Variants in TNRC6A observed in about 807,000 individuals in gnomAD.
TNRC6A encodes trinucleotide repeat containing adaptor 6A, also known as trinucleotide repeat-containing gene 6A protein.
A neutral mutation model predicts 221.2 loss-of-function variants in TNRC6A; 44 were observed. The observed-to-expected ratio is 0.20, with a 90% CI of 0.16 to 0.26. TNRC6A has a LOEUF of 0.26. Ranked by LOEUF, TNRC6A falls within the 10% of genes least tolerant of loss-of-function variation. The pLI, the probability that TNRC6A is intolerant of heterozygous loss-of-function variation, is 1.00. For missense variants in TNRC6A, 2,199 were observed against 2,404.4 expected (o/e 0.91, Z 1.79); for synonymous variants, 847 against 838.5 (o/e 1.01, Z -0.18).
chr16:24,807,597 G>A (rs1212777452), intron 17 of TNRC6A, among the ~76,000 whole-genome samples: 1 of 152,070 alleles, frequency 6.6e-6, no homozygotes, highest in African/African-American at 2.4e-5. Context: ...AAAAATGGAG[G>A]TAAGAAAGGA....
Position 24,729,682 on chromosome 16 carries a change from TGTCGGCGGC to T in TNRC6A, c.-158_-150del, listed in dbSNP as rs1230650965. ...GGTCTGGGGCCTGCGGCGGCGGCGGTGTCGGCGGCGGCGGCGGCGGCGGCGGCGGCGGCG... is the reference window on the plus strand; with the variant it reads ...GGTCTGGGGCCTGCGGCGGCGGCGGTGGCGGCGGCGGCGGCGGCGGCGGCG... On this transcript the variant is annotated 5_prime_UTR_variant, in exon 1 of 25. Transcript: ENST00000395799. 5.9e-6 allele frequency: 4 copies of T among 677,758 alleles called. No homozygotes were observed. Among genetic ancestry groups the T allele is most frequent in the Non-Finnish European group, 8.0e-6 (4 of 501,676 alleles). 42.0% of individuals were successfully genotyped at this position (677,758 alleles called of 1,614,324 possible). A position where few individuals can be genotyped will look rare whatever the true frequency, so the allele number is the denominator to read the frequency against.
At chr16:24,791,944 A>C (rs941519565) in intron 6 of TNRC6A, 127 bp downstream of exon 6, 137 of 1,058,322 alleles carry the variant, frequency 1.3e-4, no homozygotes, top group Non-Finnish European at 1.7e-4. Context: ...GCTTGAAAAA[A>C]ATTATAGGGG....
At chr16:24,664,872 G>T (rs747865233) in intron 2 of TNRC6A, 26 of 454,714 alleles carry the variant, frequency 5.7e-5, no homozygotes, top group Middle Eastern at 6.5e-4. Context: ...TTGCATCAGA[G>T]AAAACGTGTT....
chr16:24,800,672 G>T (rs2058313958), intron 11 of TNRC6A, among the ~76,000 whole-genome samples: 1 of 152,216 alleles, frequency 6.6e-6, no homozygotes, highest in Admixed American at 6.5e-5. Context: ...TGGAACCTGT[G>T]GGAAATCTGC....
In TNRC6A at chr16:24,652,549, C is replaced by A. The variant is rs1210572854; in HGVS notation, n.402+11540C>A. Among the ~76,000 whole-genome samples the A allele has an allele frequency of 5.3e-5, 8 of 152,214 alleles. No individual in the cohort carries two copies. The East Asian group carries it at 1.3e-3, about 26-fold the overall frequency. ...CACCGATTGGCATCCAACCCACTGACTGCAACATTTTCCAGCATACCAATT... is the reference window on the plus strand; with the variant it reads ...CACCGATTGGCATCCAACCCACTGAATGCAACATTTTCCAGCATACCAATT... On this transcript the variant is annotated intron_variant and non_coding_transcript_variant, in intron 2 of 2. Coordinates refer to the TNRC6A transcript ENST00000566108.
intron 2 of TNRC6A, among the ~76,000 whole-genome samples, chr16:24,693,169 G>C (rs9922436): frequency 0.82 from 124,183 of 152,040 alleles, 51,083 homozygotes; most frequent in African/African-American, 0.91. Context: ...GTTCTCTCAC[G>C]AGAAGAGGGT....
chr16:24,789,138 T>C lies in TNRC6A; in HGVS notation c.590-94T>C, dbSNP rs890276425. 1.8e-5 allele frequency: 22 copies of C among 1,256,546 alleles called. No individual in the cohort carries two copies. The East Asian group carries it at 4.8e-4, about 27-fold the overall frequency. 77.8% of individuals were successfully genotyped at this position (1,256,546 alleles called of 1,614,324 possible). A position where few individuals can be genotyped will look rare whatever the true frequency, so the allele number is the denominator to read the frequency against. On this transcript the variant is annotated intron_variant, in intron 5 of 24. Coordinates refer to ENST00000395799, the MANE Select transcript of TNRC6A (RefSeq NM_014494.4). Reference sequence around the variant, plus strand: ...GCTTGTTAAATTGAGGAGCCACATATATTTATAACATATTCGTCATTTTTC... The same window carrying C: ...GCTTGTTAAATTGAGGAGCCACATACATTTATAACATATTCGTCATTTTTC...
At chr16:24,622,662 GT>G (rs1280702657) in intron 1 of TNRC6A, among the ~76,000 whole-genome samples, 1 of 152,170 alleles carries the variant, frequency 6.6e-6, no homozygotes, top group East Asian at 1.9e-4. Flanking sequence ...AAGCCATGCT[GT>G]TTTCAACATG....
rs71156440 is a variant in TNRC6A at position 24,812,019 on chromosome 16, A to ATTTTTTTTT, written c.4672+2577_4672+2585dup. Among the ~76,000 whole-genome samples, 37 of 40,850 alleles carry ATTTTTTTTT rather than the reference A, an allele frequency of 9.1e-4. 8 individuals are homozygous for ATTTTTTTTT. Among genetic ancestry groups the ATTTTTTTTT allele is most frequent in the Non-Finnish European group, 1.3e-3 (30 of 23,658 alleles). 26.8% of individuals were successfully genotyped at this position (40,850 alleles called of 152,430 possible). A position where few individuals can be genotyped will look rare whatever the true frequency, so the allele number is the denominator to read the frequency against. ...CCGTTCAGGGGAATGTCACTTTGGG[A>ATTTTTTTTT]TTTTTTTTTTTTTTTTTTTTTTTTT... On this transcript the variant is annotated intron_variant, in intron 18 of 24. Transcript: ENST00000395799.
At position 24,804,727 on chromosome 16, in the gene TNRC6A, C is replaced by T; in HGVS notation, c.3860C>T (p.Ser1287Phe). The change falls in exon 13 of 25, where the codon TCC becomes TTC. Residue 1287 changes from serine (S) to phenylalanine (F), a missense_variant. By Grantham distance (155) the Ser-to-Phe change is radical (BLOSUM62 -2). Transcript: ENST00000395799. ...CAGGATGGCATTGTAGCAGATGAAT[C>T]CCAAAACATGCAGTTTATGTCCAGT... ...FDKDGIVADE[S>F]QNMQFMSSQS... 1 of 1,597,562 alleles carries T rather than the reference C, an allele frequency of 6.3e-7. No homozygotes were observed. The highest frequency in any genetic ancestry group is 2.2e-5 in the East Asian group (1 of 44,836).
At chr16:24,664,878 G>A (rs756820747) in intron 2 of TNRC6A, 3 of 454,660 alleles carry the variant, frequency 6.6e-6, no homozygotes, top group South Asian at 1.5e-5. Flanking sequence ...CAGAGAAAAC[G>A]TGTTTGATTG....
At chr16:24,763,590 G>A (rs887314409) in intron 4 of TNRC6A, among the ~76,000 whole-genome samples, 3 of 152,072 alleles carry the variant, frequency 2.0e-5, no homozygotes, top group Non-Finnish European at 4.4e-5. Context: ...AAATACTTAC[G>A]TAATAATCCA....
intron 1 of TNRC6A, among the ~76,000 whole-genome samples, chr16:24,637,252 C>T (rs1452590425): frequency 2.0e-5 from 3 of 151,976 alleles, no homozygotes; most frequent in East Asian, 1.9e-4. Context: ...AGGCTGGTCT[C>T]GAACTCCTGG....
intron 1 of TNRC6A, among the ~76,000 whole-genome samples, chr16:24,611,427 G>A (rs62027062): frequency 0.027 from 4,071 of 152,222 alleles, 88 homozygotes; most frequent in Middle Eastern, 0.065. Context: ...GTGGTTTCTT[G>A]GCTCCACACC....
chr16:24,641,996 T>C (rs559992146), intron 2 of TNRC6A, among the ~76,000 whole-genome samples: 2 of 152,306 alleles, frequency 1.3e-5, no homozygotes, highest in African/African-American at 4.8e-5. Context: ...TGGAAAGATG[T>C]ATATTGATAG....
chr16:24,806,821 T>G (rs1400476353), intron 17 of TNRC6A, 37 bp downstream of exon 17: 1 of 1,597,580 alleles, frequency 6.3e-7, no homozygotes, highest in South Asian at 1.1e-5. Context: ...GGACTGATGC[T>G]TAGGTATCAC....
intron 8 of TNRC6A, 76 bp from the exon 9 acceptor site, chr16:24,795,831 T>C: frequency 7.1e-7 from 1 of 1,414,292 alleles, no homozygotes; most frequent in Non-Finnish European, 9.5e-7. Context: ...AGGACTTAAG[T>C]TTAGGTCTTC....
In TNRC6A at chr16:24,823,146, G is replaced by C. The variant is rs2058801197; in HGVS notation, c.5513+133G>C. 1 of 1,293,594 alleles carries C rather than the reference G, an allele frequency of 7.7e-7. No individual in the cohort carries two copies. The highest frequency in any genetic ancestry group is 1.9e-5 in the Admixed American group (1 of 52,332). The allele number at this position is 1,293,594 out of a possible 1,614,324, so 80.1% of individuals were successfully genotyped here. ...GCTGCAGTAGTGCCCTGATTCCAAG[G>C]TCGGCATTCCTAAGCGGGGAATCAG... On this transcript the variant is annotated intron_variant, in intron 24 of 24. Coordinates refer to ENST00000395799, the MANE Select transcript of TNRC6A (RefSeq NM_014494.4). This position sits in a 1 kb window ranked among gnomAD's most constrained non-coding sequence, Gnocchi z 4.3.
chr16:24,758,115 G>A (rs1276282743), intron 3 of TNRC6A, among the ~76,000 whole-genome samples: 1 of 152,130 alleles, frequency 6.6e-6, no homozygotes, highest in Admixed American at 6.5e-5. Context: ...CAAAAATTAG[G>A]TATTTTAAAT....
Sources: allele counts gnomAD v4.1 joint callset (sites outside exome capture counted in the v4.1 genomes callset), GRCh38; gene constraint gnomAD v4.1.1; non-coding constraint Gnocchi (gnomAD v3.1); transcripts MANE v1.5; gene names NCBI Gene and HGNC (gene_info 2026-07-23, HGNC 2026-07-21).